Variants in CSMD1 observed in about 807,000 individuals in gnomAD.
CSMD1 encodes CUB and sushi domain-containing protein 1.
In CSMD1, 213 loss-of-function variants were observed where a neutral mutation model predicts 417.5. The ratio of observed to expected loss-of-function variants is 0.51; its 90% CI spans 0.46 to 0.57. CSMD1 has a LOEUF of 0.57. Among genes scored for constraint, CSMD1 ranks in the 20% least tolerant of loss-of-function variants. The probability of loss-of-function intolerance (pLI) is 0.00; values close to 1 mark genes in which losing one functional copy is unlikely to be tolerated. For synonymous variants in CSMD1, 2,862 were observed against 1,736.8 expected, an observed-to-expected ratio of 1.65 and a Z score of -16.11; for missense variants, 6,923 against 4,529.7, an observed-to-expected ratio of 1.53 and a Z score of -15.17.
intron 5 of CSMD1, among the ~76,000 whole-genome samples, chr8:3,910,934 G>A (rs1010006997): frequency 2.6e-5 from 4 of 152,204 alleles, no homozygotes; most frequent in African/African-American, 9.6e-5. Context: ...TTATTAGCTT[G>A]ATTGATCACG....
chr8:4,464,767 G>T (rs184116357), intron 2 of CSMD1, among the ~76,000 whole-genome samples: 1 of 152,288 alleles, frequency 6.6e-6, no homozygotes, highest in Non-Finnish European at 1.5e-5. Flanking sequence ...GAGTCCTGCT[G>T]AGTGGGGTGG....
At chr8:3,954,539 T>A (rs1197074154) in intron 5 of CSMD1, among the ~76,000 whole-genome samples, 2 of 152,158 alleles carry the variant, frequency 1.3e-5, no homozygotes, top group Admixed American at 1.3e-4. Context: ...GATAATTTTT[T>A]TGTATTTTTA....
intron 37 of CSMD1, among the ~76,000 whole-genome samples, chr8:3,165,467 T>G (rs1433611331): frequency 6.6e-6 from 1 of 152,102 alleles, no homozygotes; most frequent in Non-Finnish European, 1.5e-5. Context: ...AGTCTCACTC[T>G]GTCGCCCAGG....
At chr8:4,879,327 G>C (rs1257334413) in intron 1 of CSMD1, among the ~76,000 whole-genome samples, 1 of 151,998 alleles carries the variant, frequency 6.6e-6, no homozygotes, top group African/African-American at 2.4e-5. Flanking sequence ...GGAAATATAG[G>C]ATTAGGAAGT....
At chr8:4,169,983 A>G (rs977189754) in intron 3 of CSMD1, among the ~76,000 whole-genome samples, 2 of 151,806 alleles carry the variant, frequency 1.3e-5, no homozygotes, top group African/African-American at 4.9e-5. Flanking sequence ...TCCTTTGTGC[A>G]TAGAAGAGTG....
chr8:3,526,241 G>A (rs867875227), intron 10 of CSMD1, among the ~76,000 whole-genome samples: 27 of 151,774 alleles, frequency 1.8e-4, no homozygotes, highest in African/African-American at 5.8e-4. Flanking sequence ...ACCTTCTATA[G>A]AATATAAATT....
intron 10 of CSMD1, among the ~76,000 whole-genome samples, chr8:3,553,474 A>G (rs6558793): frequency 0.55 from 84,011 of 152,020 alleles, 23,404 homozygotes; most frequent in East Asian, 0.67. Flanking sequence ...AAAAAATTTG[A>G]AGAAGATATT....
rs146048390 is a variant in CSMD1, at chr8:4,946,406, C to T, written c.85+47926G>A. ...GTGATGAAGGAACTAGGTCATCGGT[C>T]ATTGTCCATGAAGATGGCTTTGGAC... On this transcript the variant is annotated intron_variant, in intron 1 of 69. Coordinates refer to ENST00000635120, the MANE Select transcript of CSMD1 (RefSeq NM_033225.6). Among the ~76,000 whole-genome samples, 53 of 152,264 alleles carry T rather than the reference C, an allele frequency of 3.5e-4. 2 individuals carry two copies. In the East Asian group the frequency reaches 9.3e-3, roughly 27 times the overall value.
At chr8:4,296,822 T>G (rs77015919) in intron 3 of CSMD1, among the ~76,000 whole-genome samples, 7 of 150,980 alleles carry the variant, frequency 4.6e-5, no homozygotes, top group African/African-American at 1.7e-4. Context: ...TGTATTCATC[T>G]GAAGATATCT....
chr8:4,193,377 A>C (rs1048248926), intron 3 of CSMD1, among the ~76,000 whole-genome samples: 1 of 152,212 alleles, frequency 6.6e-6, no homozygotes, highest in Non-Finnish European at 1.5e-5. Context: ...AAATGTACTG[A>C]GTATCAAAAT....
At chr8:3,712,390 G>C (rs1433143618) in intron 6 of CSMD1, among the ~76,000 whole-genome samples, 1 of 44,538 alleles carries the variant, frequency 2.2e-5, no homozygotes, top group South Asian at 1.1e-3. Flanking sequence ...GAGAGAGAGA[G>C]AGAGAGAGAG....
chr8:3,379,838 G>T (rs372498335), intron 18 of CSMD1, among the ~76,000 whole-genome samples: 1 of 152,196 alleles, frequency 6.6e-6, no homozygotes, highest in Non-Finnish European at 1.5e-5. Flanking sequence ...ATAGGCATGG[G>T]CAAGGACTTC....
Position 2,955,738 on chromosome 8 carries a change from G to A in CSMD1, c.9845C>T (p.Ala3282Val), listed in dbSNP as rs753398572. ...ATCGATGGCTCTCACATCCGCGTGT[G>A]CCGGGGTTTCTGGCTGTCTGCAGGC... is the stretch of plus-strand genomic sequence containing the variant. ...PHACRQPETPAHADVRAIDLP... is the reference protein window; with the variant it reads ...PHACRQPETPVHADVRAIDLP... Residue 3282 changes from alanine (A) to valine (V), a missense_variant, in exon 64 of 70, where the codon GCA becomes GTA. Coordinates refer to ENST00000635120, the MANE Select transcript of CSMD1 (RefSeq NM_033225.6). 4.3e-6 allele frequency: 7 copies of A among 1,613,754 alleles called. No homozygotes were observed. The Admixed American group carries it at 1.0e-4, about 23-fold the overall frequency.
At position 2,950,156 on chromosome 8, in the gene CSMD1, C is replaced by A. The variant is rs78507879; in HGVS notation, c.10314+75G>T. 8.3e-6 allele frequency: 8 copies of A among 968,082 alleles called. No homozygotes were observed. In the East Asian group the frequency reaches 1.7e-4, roughly 20 times the overall value. The allele number at this position is 968,082 out of a possible 1,614,324, so 60.0% of individuals were successfully genotyped here. ...ACAGCTCTACTCAGAAGCCTCCAAT[C>A]CGTAGCCCTTGCATCTGCACAGAGA... On this transcript the variant is annotated intron_variant, in intron 67 of 69. Coordinates refer to ENST00000635120, the MANE Select transcript of CSMD1 (RefSeq NM_033225.6).
At chr8:4,143,298 T>G (rs1803904446) in intron 3 of CSMD1, among the ~76,000 whole-genome samples, 1 of 150,926 alleles carries the variant, frequency 6.6e-6, no homozygotes, top group African/African-American at 2.5e-5. Context: ...GCCACAGCTT[T>G]GTAGTATTGC....
chr8:4,349,614 G>A (rs1022383600), intron 3 of CSMD1, among the ~76,000 whole-genome samples: 17 of 152,168 alleles, frequency 1.1e-4, no homozygotes, highest in African/African-American at 3.4e-4. Flanking sequence ...AAGCTGTTAC[G>A]TCTCCCTGAA....
At chr8:2,940,714 T>C (rs576649130) in intron 69 of CSMD1, among the ~76,000 whole-genome samples, 79 of 152,318 alleles carry the variant, frequency 5.2e-4, no homozygotes, top group African/African-American at 1.9e-3. Flanking sequence ...TATGCATATA[T>C]AATTATGTGG....
intron 21 of CSMD1, among the ~76,000 whole-genome samples, chr8:3,355,560 T>C (rs1052479873): frequency 3.9e-5 from 6 of 152,138 alleles, no homozygotes; most frequent in Admixed American, 2.0e-4. Context: ...CCAGGACTTG[T>C]ACATAAGCGA....
intron 1 of CSMD1, among the ~76,000 whole-genome samples, chr8:4,820,377 TAA>T (rs1036347802): frequency 2.0e-5 from 3 of 152,170 alleles, no homozygotes; most frequent in Admixed American, 1.3e-4. Context: ...CTATGATTTT[TAA>T]GCATTTTAAT....
Sources: gnomAD v4.1 joint callset for allele counts (sites outside exome capture counted in the v4.1 genomes callset) on GRCh38, gnomAD v4.1.1 for gene constraint, MANE v1.5 for transcripts, NCBI Gene and HGNC (gene_info 2026-07-23, HGNC 2026-07-21) for gene names.